ZNF536: variants seen among roughly 807,000 people sequenced by gnomAD.
ZNF536 encodes zinc finger protein 536.
In ZNF536, 13 loss-of-function variants were observed where a neutral mutation model predicts 84.5. The ratio of observed to expected loss-of-function variants is 0.15; its 90% CI spans 0.10 to 0.24. The LOEUF is 0.24. Among genes scored for constraint, ZNF536 ranks in the 10% least tolerant of loss-of-function variants. The probability of loss-of-function intolerance (pLI) is 1.00; values close to 1 mark genes in which losing one functional copy is unlikely to be tolerated. For missense variants in ZNF536, 1,536 were observed against 1,747.5 expected, an observed-to-expected ratio of 0.88 and a Z score of 2.16; for synonymous variants, 811 against 742.5, an observed-to-expected ratio of 1.09 and a Z score of -1.50.
chr19:30,662,962 C>CTTTTTTTTTTTTTTTTT (rs951081577), intron 1 of ZNF536, among the ~76,000 whole-genome samples: 24 of 78,726 alleles, frequency 3.0e-4, no homozygotes, highest in East Asian at 3.9e-4. Flanking sequence ...TTTTTCGTTT[C>CTTTTTTTTTTTTTTTTT]TTTTTTTTTT....
Position 30,443,771 on chromosome 19 carries a change from TGCCCATGAGCGGCCA to T in ZNF536, c.217_231del (p.Ser73_Met77del). On this transcript the variant is annotated inframe_deletion, in exon 2 of 5. Transcript: ENST00000355537. The stretch of plus-strand genomic sequence containing the variant: ...GCATCCCTGGAGGAGAAGGCCCACG[TGCCCATGAGCGGCCA>T]GCCCATGGGCAGTCAGATGGCGCTC... The T allele has an allele frequency of 6.2e-7, 1 of 1,612,980 alleles. No individual in the cohort carries two copies.
intron 1 of ZNF536, among the ~76,000 whole-genome samples, chr19:30,236,240 C>T (rs1040946150): frequency 4.6e-5 from 7 of 152,234 alleles, no homozygotes; most frequent in Admixed American, 2.0e-4. Flanking sequence ...CTGCCGCCGC[C>T]GGGTACTGAG....
At chr19:30,496,238 C>T (rs894234174) in intron 2 of ZNF536, among the ~76,000 whole-genome samples, 1 of 152,172 alleles carries the variant, frequency 6.6e-6, no homozygotes, top group Non-Finnish European at 1.5e-5. Flanking sequence ...TACAAACTTT[C>T]TGTTCTGTCT....
At chr19:30,641,462 C>T (rs1171542618) in intron 1 of ZNF536, among the ~76,000 whole-genome samples, 3 of 152,052 alleles carry the variant, frequency 2.0e-5, no homozygotes, top group Non-Finnish European at 4.4e-5. Context: ...GAAATTTTTT[C>T]TCATGTTATT....
intron 2 of ZNF536, among the ~76,000 whole-genome samples, chr19:30,489,746 TACTG>T (rs1404605308): frequency 6.6e-6 from 1 of 152,250 alleles, no homozygotes; most frequent in East Asian, 1.9e-4. Context: ...ATAAAAGTGA[TACTG>T]ACAGTCGTCG....
In ZNF536 at chr19:30,531,720, G is replaced by C. The variant is rs144705576; in HGVS notation, c.2171-3127G>C. Among the ~76,000 whole-genome samples, 1,241 of 152,218 alleles carry C rather than the reference G, an allele frequency of 8.2e-3. 9 individuals are homozygous for C. The highest frequency in any genetic ancestry group is 0.013 in the Non-Finnish European group (881 of 68,016). On this transcript the variant is annotated intron_variant, in intron 2 of 4. Coordinates refer to ENST00000355537, the MANE Select transcript of ZNF536 (RefSeq NM_014717.3). Reference sequence around the variant, plus strand: ...GCTCATTGCAGCCTCGACCTCTCGAGTTCAAGCAATTCTTGTGCCTCAGCC... The same window carrying C: ...GCTCATTGCAGCCTCGACCTCTCGACTTCAAGCAATTCTTGTGCCTCAGCC...
chr19:30,653,248 G>T (rs983711632), intron 1 of ZNF536, among the ~76,000 whole-genome samples: 4 of 152,180 alleles, frequency 2.6e-5, no homozygotes, highest in African/African-American at 9.6e-5. Flanking sequence ...CCTCTATCCT[G>T]CCCTTCAGCT....
Position 30,242,056 on chromosome 19 carries a change from G to A in ZNF536, c.-190+13383G>A, listed in dbSNP as rs74438890. On this transcript the variant is annotated intron_variant, in intron 1 of 5. Transcript: ENST00000585628. ...TGGGGCTGCCCTCTCTGCTGTGAGC[G>A]CCTGTTGAGGGGTAATTCCTGTGGG... 2.7e-3 allele frequency among the ~76,000 whole-genome samples: 408 copies of A among 152,252 alleles called. 13 individuals are homozygous for A. The East Asian group carries it at 0.057, about 21-fold the overall frequency.
At chr19:30,697,634 C>T (rs577267835) in intron 1 of ZNF536, among the ~76,000 whole-genome samples, 4 of 152,250 alleles carry the variant, frequency 2.6e-5, no homozygotes, top group Admixed American at 6.5e-5. Flanking sequence ...CACACACAAC[C>T]GATAAGAGGC....
At chr19:30,398,197 C>A (rs1382639925) in intron 1 of ZNF536, among the ~76,000 whole-genome samples, 2 of 152,068 alleles carry the variant, frequency 1.3e-5, no homozygotes, top group Non-Finnish European at 2.9e-5. Flanking sequence ...TAACCACTGC[C>A]TTTATTATGA....
At chr19:30,480,241 C>T (rs1175981947) in intron 2 of ZNF536, among the ~76,000 whole-genome samples, 1 of 152,124 alleles carries the variant, frequency 6.6e-6, no homozygotes, top group African/African-American at 2.4e-5. Context: ...ATCTCAGGCT[C>T]CCGTGGGTCA....
At chr19:30,539,747 C>T (rs986835227) in intron 3 of ZNF536, among the ~76,000 whole-genome samples, 7 of 152,094 alleles carry the variant, frequency 4.6e-5, no homozygotes, top group African/African-American at 1.7e-4. Context: ...TTTGTGTGTA[C>T]AGGAAGCAGG....
At chr19:30,377,801 C>T (rs1005755991) in intron 1 of ZNF536, among the ~76,000 whole-genome samples, 1 of 152,194 alleles carries the variant, frequency 6.6e-6, no homozygotes, top group Non-Finnish European at 1.5e-5. Context: ...GCTCCCTTAA[C>T]CATAAACATC....
upstream of ZNF536, among the ~76,000 whole-genome samples, chr19:30,226,875 GGGTAGGAA>G (rs553578172): frequency 1.5e-3 from 225 of 152,086 alleles, no homozygotes; most frequent in Non-Finnish European, 2.8e-3. The surrounding 1 kb of genome is among the most constrained non-coding windows in gnomAD (Gnocchi z 4.6). Context: ...TGCATGACTG[GGGTAGGAA>G]TGATCTTTGC....
intron 1 of ZNF536, among the ~76,000 whole-genome samples, chr19:30,588,385 C>T (rs2146759892): frequency 6.6e-6 from 1 of 152,272 alleles, no homozygotes; most frequent in East Asian, 1.9e-4. Context: ...GGACAAGGTC[C>T]TACCTGTTTG....
At chr19:30,512,139 G>T (rs559674156) in intron 2 of ZNF536, among the ~76,000 whole-genome samples, 4 of 152,282 alleles carry the variant, frequency 2.6e-5, no homozygotes, top group Admixed American at 6.5e-5. Context: ...GGTGACTGGA[G>T]AAATTGTTGA....
At chr19:30,438,304 G>A (rs2051849492) in intron 1 of ZNF536, among the ~76,000 whole-genome samples, 1 of 151,998 alleles carries the variant, frequency 6.6e-6, no homozygotes. Flanking sequence ...TTATGTCCGT[G>A]TATACCCATT....
At chr19:30,587,410 C>T (rs1042904937) in intron 1 of ZNF536, among the ~76,000 whole-genome samples, 23 of 152,308 alleles carry the variant, frequency 1.5e-4, no homozygotes, top group African/African-American at 5.5e-4. Context: ...GTTGGTATTA[C>T]TCTCCCATTC....
At chr19:30,691,282 A>C (rs1040611996) in intron 1 of ZNF536, among the ~76,000 whole-genome samples, 1 of 152,146 alleles carries the variant, frequency 6.6e-6, no homozygotes, top group African/African-American at 2.4e-5. Context: ...AAAAGGAGGC[A>C]GACTTTGCAT....
Sources: allele counts gnomAD v4.1 joint callset (sites outside exome capture counted in the v4.1 genomes callset), GRCh38; gene constraint gnomAD v4.1.1; non-coding constraint Gnocchi (gnomAD v3.1); transcripts MANE v1.5; gene names NCBI Gene and HGNC (gene_info 2026-07-23, HGNC 2026-07-21).